Variants in STK3 observed in about 807,000 individuals in gnomAD.
STK3 encodes the protein serine/threonine kinase 3.
In STK3, 41 loss-of-function variants were observed where a neutral mutation model predicts 58.0. The ratio of observed to expected loss-of-function variants is 0.71; its 90% CI spans 0.55 to 0.92. The LOEUF is 0.92. STK3 is among the 40% of genes least tolerant of loss of function. STK3 has a pLI of 0.00. For synonymous variants in STK3, 170 were observed against 191.0 expected (o/e 0.89, Z 0.91); for missense variants, 479 against 602.7 (o/e 0.79, Z 2.15).
intron 3 of STK3, among the ~76,000 whole-genome samples, chr8:98,830,989 A>AG (rs1472713717): frequency 6.6e-6 from 1 of 151,454 alleles, no homozygotes; most frequent in Non-Finnish European, 1.5e-5. Context: ...AAAAAAAAAA[A>AG]AAGGAAAGTA....
intron 1 of STK3, among the ~76,000 whole-genome samples, chr8:98,790,394 C>T (rs1248325826): frequency 6.6e-6 from 1 of 152,164 alleles, no homozygotes; most frequent in Non-Finnish European, 1.5e-5. Context: ...TGATACACCA[C>T]GTAAACAGAA....
intron 6 of STK3, among the ~76,000 whole-genome samples, chr8:98,679,654 A>G (rs1209883778): frequency 1.3e-5 from 2 of 152,184 alleles, no homozygotes; most frequent in African/African-American, 4.8e-5. Context: ...AGCACATGGT[A>G]GGTACTCAAT....
chr8:98,347,803 A>G, the STK3 span, among the ~76,000 whole-genome samples: 2 of 152,212 alleles, frequency 1.3e-5, no homozygotes. Context: ...AGGATGATAG[A>G]AAGACAAAGT....
the STK3 span, among the ~76,000 whole-genome samples, chr8:98,349,708 T>C: frequency 6.6e-6 from 1 of 152,352 alleles, no homozygotes; most frequent in African/African-American, 2.4e-5. Context: ...GACTTCTGTG[T>C]ACCTGCAGGC....
intron 6 of STK3, among the ~76,000 whole-genome samples, chr8:98,613,329 C>A (rs552392453): frequency 2.6e-5 from 4 of 151,790 alleles, no homozygotes; most frequent in Non-Finnish European, 5.9e-5. Flanking sequence ...ACTCATCAGA[C>A]CAAGAGTCAA....
chr8:98,853,788 A>C (rs565733606), intron 3 of STK3, among the ~76,000 whole-genome samples: 2 of 152,374 alleles, frequency 1.3e-5, no homozygotes, highest in Non-Finnish European at 2.9e-5. Context: ...GAAAGTCTGA[A>C]TAGAACTATA....
chr8:98,894,196 C>T (rs987164224), intron 1 of STK3, among the ~76,000 whole-genome samples: 3 of 152,188 alleles, frequency 2.0e-5, no homozygotes, highest in African/African-American at 7.2e-5. Flanking sequence ...ATTCTACATA[C>T]TGATGATGCC....
intron 1 of STK3, among the ~76,000 whole-genome samples, chr8:98,887,307 T>C (rs1431095997): frequency 6.6e-6 from 1 of 152,146 alleles, no homozygotes; most frequent in Non-Finnish European, 1.5e-5. Flanking sequence ...AAAATACTCA[T>C]TGAATCATTT....
At chr8:98,857,670 T>C (rs969977780) in intron 3 of STK3, among the ~76,000 whole-genome samples, 2 of 152,174 alleles carry the variant, frequency 1.3e-5, no homozygotes, top group Non-Finnish European at 2.9e-5. Context: ...TAAAGTCCAT[T>C]TAAAACTTCT....
At chr8:98,547,646 G>C (rs1299832755) in intron 9 of STK3, among the ~76,000 whole-genome samples, 3 of 152,076 alleles carry the variant, frequency 2.0e-5, no homozygotes, top group Non-Finnish European at 4.4e-5. Flanking sequence ...GATAATTTTA[G>C]GTTCACTTTT....
chr8:98,603,233 T>G (rs1427521514), intron 6 of STK3: 1 of 151,616 alleles, frequency 6.6e-6, no homozygotes, highest in Admixed American at 6.6e-5. Flanking sequence ...TAGTCTACAG[T>G]GTTTTTTTTT....
intron 10 of STK3, among the ~76,000 whole-genome samples, chr8:98,477,705 G>GGGGGGGA (rs1821454532): frequency 1.3e-5 from 1 of 76,122 alleles, no homozygotes; most frequent in African/African-American, 4.9e-5. Context: ...CACTTGGCGG[G>GGGGGGGA]GGGGGGGGGG....
At position 98,635,832 on chromosome 8, in the gene STK3, T is replaced by C. The variant is rs114009738; in HGVS notation, c.685-39663A>G. Among the ~76,000 whole-genome samples, 1,402 of 152,248 alleles carry C rather than the reference T, an allele frequency of 9.2e-3. 18 individuals are homozygous for C. Among genetic ancestry groups the C allele is most frequent in the African/African-American group, 0.032 (1,325 of 41,548 alleles). On this transcript the variant is annotated intron_variant, in intron 6 of 10. Coordinates refer to ENST00000419617, the MANE Select transcript of STK3 (RefSeq NM_006281.4). ...AAATTTTACTATGCATCAGAATTTC[T>C]TGGTGGGCTTGTTAAATGCAGATTG...
chr8:98,605,332 C>T (rs1816689985), intron 6 of STK3, among the ~76,000 whole-genome samples: 2 of 151,778 alleles, frequency 1.3e-5, no homozygotes, highest in Non-Finnish European at 2.9e-5. Context: ...TTAACTGGCT[C>T]ATGGTTCTGC....
intron 1 of STK3, among the ~76,000 whole-genome samples, chr8:98,909,547 T>A (rs1438940124): frequency 6.6e-6 from 1 of 152,206 alleles, no homozygotes; most frequent in Non-Finnish European, 1.5e-5. Context: ...TAACCTATGA[T>A]CTAATTTCTG....
At chr8:98,429,841 T>A in intron 3 of STK3, 1 of 175,852 alleles carries the variant, frequency 5.7e-6, no homozygotes, top group South Asian at 2.0e-4. Flanking sequence ...AATGCATCTA[T>A]GAGGTCAGCA....
chr8:98,679,670 T>A lies in STK3; in HGVS notation c.684+26797A>T, dbSNP rs184015236. On this transcript the variant is annotated intron_variant, in intron 6 of 10. Coordinates refer to ENST00000419617, the MANE Select transcript of STK3 (RefSeq NM_006281.4). ...GCACATGGTAGGTACTCAATATATA[T>A]CTACTGAATAAATGGATAAATGCAT... Among the ~76,000 whole-genome samples the A allele has an allele frequency of 9.2e-5, 14 of 152,282 alleles. No individual in the cohort carries two copies. In the East Asian group the frequency reaches 2.7e-3, roughly 29 times the overall value.
chr8:98,617,283 T>C (rs1817829014), intron 6 of STK3, among the ~76,000 whole-genome samples: 1 of 142,054 alleles, frequency 7.0e-6, no homozygotes, highest in Non-Finnish European at 1.5e-5. Flanking sequence ...AGACACAACA[T>C]ACCAGAATCT....
chr8:98,422,649 C>G lies in STK3; in HGVS notation n.483+11478G>C, dbSNP rs372096842. On this transcript the variant is annotated intron_variant and non_coding_transcript_variant, in intron 3 of 3. Transcript: ENST00000517832. ...AGTCTGGCATGGAGGGAGGCGACGA[C>G]AAAGGCACTCAGCCCTCACAGTGCT... Among the ~76,000 whole-genome samples, 15 of 152,330 alleles carry G rather than the reference C, an allele frequency of 9.8e-5. 1 individual carries two copies. Among genetic ancestry groups the G allele is most frequent in the African/African-American group, 3.6e-4 (15 of 41,572 alleles).
Sources: allele counts gnomAD v4.1 joint callset (sites outside exome capture counted in the v4.1 genomes callset), GRCh38; gene constraint gnomAD v4.1.1; transcripts MANE v1.5; gene names NCBI Gene and HGNC (gene_info 2026-07-23, HGNC 2026-07-21).